The following MEIS3 variants were observed in gnomAD, a reference collection of about 807,000 sequenced individuals.
MEIS3 encodes the protein Meis homeobox 3.
MEIS3 carries 38 observed loss-of-function variants against 51.4 expected under a neutral mutation model. The observed-to-expected ratio is 0.74, with a 90% CI of 0.57 to 0.97. MEIS3 has a LOEUF of 0.97. Ranked by LOEUF, MEIS3 falls within the 50% of genes least tolerant of loss-of-function variation. The pLI, the probability that MEIS3 is intolerant of heterozygous loss-of-function variation, is 0.00. For synonymous variants in MEIS3, 198 were observed against 201.8 expected, an observed-to-expected ratio of 0.98 and a Z score of 0.16; for missense variants, 456 against 502.6, an observed-to-expected ratio of 0.91 and a Z score of 0.89.
At chr19:47,421,402 C>T (rs1568434636), upstream of MEIS3, among the ~76,000 whole-genome samples, 2 of 152,128 alleles carry the variant, frequency 1.3e-5, no homozygotes, top group African/African-American at 4.8e-5. Flanking sequence ...CCACGTCCCC[C>T]GGGGATCCGC....
At position 47,419,263 on chromosome 19, in the gene MEIS3, C is replaced by T. The variant is rs1485858242; in HGVS notation, c.-182G>A. ...CAGGCGCCGGGCCGGGTGGGGACTCCGCGCATGGACCCCGGCCCCCGCCCC... is the reference window on the plus strand; with the variant it reads ...CAGGCGCCGGGCCGGGTGGGGACTCTGCGCATGGACCCCGGCCCCCGCCCC... On this transcript the variant is annotated 5_prime_UTR_variant, in exon 1 of 13. Coordinates refer to ENST00000558555, the MANE Select transcript of MEIS3 (RefSeq NM_001301059.2). 2.6e-5 allele frequency: 8 copies of T among 306,340 alleles called. No individual in the cohort carries two copies. The highest frequency in any genetic ancestry group is 4.7e-5 in the Non-Finnish European group (8 of 170,552). 19.0% of individuals were successfully genotyped at this position (306,340 alleles called of 1,614,324 possible). A position where few individuals can be genotyped will look rare whatever the true frequency, so the allele number is the denominator to read the frequency against.
At chr19:47,411,542 C>CTTT (rs1249273264) in intron 6 of MEIS3, among the ~76,000 whole-genome samples, 2 of 96,010 alleles carry the variant, frequency 2.1e-5, no homozygotes, top group African/African-American at 3.4e-5. Flanking sequence ...TTTTTCTTTT[C>CTTT]TTTTTTTTTT....
intron 6 of MEIS3, among the ~76,000 whole-genome samples, chr19:47,413,200 C>T (rs1229687957): frequency 6.6e-6 from 1 of 151,664 alleles, no homozygotes; most frequent in African/African-American, 2.4e-5. Flanking sequence ...AGTTCGAGGC[C>T]AGCCTGGCCA....
chr19:47,403,642 A>G (rs778458240), intron 12 of MEIS3, 89 bp from the exon 13 acceptor site: 20 of 346,110 alleles, frequency 5.8e-5, no homozygotes, highest in Non-Finnish European at 9.1e-5. Context: ...ATCAGCCCCA[A>G]TGTGAGGGGG....
At chr19:47,417,881 C>T (rs994638800) in intron 1 of MEIS3, 5 of 595,674 alleles carry the variant, frequency 8.4e-6, no homozygotes, top group Non-Finnish European at 1.5e-5. Context: ...CACACCAACC[C>T]ACGTGCACAC....
intron 9 of MEIS3, 51 bp from the exon 10 acceptor site, chr19:47,407,188 G>C: frequency 6.3e-7 from 1 of 1,578,624 alleles, no homozygotes; most frequent in Non-Finnish European, 8.6e-7. Flanking sequence ...GAGTGGGAGA[G>C]AGGCCAAGAC....
chr19:47,421,690 C>T (rs1971718288), upstream of MEIS3, among the ~76,000 whole-genome samples: 1 of 151,604 alleles, frequency 6.6e-6, no homozygotes, highest in Non-Finnish European at 1.5e-5. Flanking sequence ...CCATCTCCGC[C>T]TGGGCTATGT....
At chr19:47,407,645 C>A in intron 8 of MEIS3, 1 of 1,250,572 alleles carries the variant, frequency 8.0e-7, no homozygotes, top group Non-Finnish European at 1.1e-6. Flanking sequence ...CCTGTTCCAG[C>A]AATTAGAGGT....
chr19:47,403,310 A>C lies in MEIS3; in HGVS notation c.*261T>G. 1 of 411,934 alleles carries C rather than the reference A, an allele frequency of 2.4e-6. No individual in the cohort carries two copies. Among genetic ancestry groups the C allele is most frequent in the Non-Finnish European group, 4.8e-6 (1 of 207,886 alleles). The allele number at this position is 411,934 out of a possible 1,614,324, so 25.5% of individuals were successfully genotyped here. The stretch of plus-strand genomic sequence containing the variant: ...CCCTAGCCGCCATCTTCTGGGGACC[A>C]AGGCCCAGGAGCCCAGCTCGGGTCC... On this transcript the variant is annotated 3_prime_UTR_variant, in exon 13 of 13. Coordinates refer to ENST00000558555, the MANE Select transcript of MEIS3 (RefSeq NM_001301059.2).
intron 4 of MEIS3, 49 bp downstream of exon 4, chr19:47,416,603 G>A: frequency 7.0e-7 from 1 of 1,423,102 alleles, no homozygotes; most frequent in Non-Finnish European, 9.4e-7. Flanking sequence ...GGGCGTCAGG[G>A]AAGGAGACCC....
upstream of MEIS3, among the ~76,000 whole-genome samples, chr19:47,421,008 C>T (rs1290639851): frequency 6.8e-6 from 1 of 146,650 alleles, no homozygotes; most frequent in Non-Finnish European, 1.5e-5. Context: ...TCCTGGGACC[C>T]TTCTGTTCCC....
At chr19:47,411,233 G>A (rs1230800882) in intron 6 of MEIS3, among the ~76,000 whole-genome samples, 1 of 152,126 alleles carries the variant, frequency 6.6e-6, no homozygotes, top group African/African-American at 2.4e-5. Flanking sequence ...ACTGCGCCAG[G>A]CCCATTTCAC....
Position 47,417,301 on chromosome 19 carries a change from A to G in MEIS3, c.62T>C (p.Leu21Pro). The G allele has an allele frequency of 6.2e-7, 1 of 1,613,712 alleles. No homozygotes were observed. The highest frequency in any genetic ancestry group is 8.5e-7 in the Non-Finnish European group (1 of 1,179,886). ...YPGIVDGPAA[L>P]ASFPETVPAV... ...GGGCACTGTCTCTGGGAAGCTAGCC[A>G]GGGCTGCGGGGCCATCCACGATGCC... Residue 21 changes from leucine to proline, a missense_variant, in exon 2 of 13, where the codon CTG becomes CCG. Coordinates refer to ENST00000558555, the MANE Select transcript of MEIS3 (RefSeq NM_001301059.2).
chr19:47,420,910 T>TCACA (rs796578167), upstream of MEIS3, among the ~76,000 whole-genome samples: 272 of 70,724 alleles, frequency 3.8e-3, 1 homozygote, highest in East Asian at 0.012. Context: ...TCTCTCTCTC[T>TCACA]CACACACACA....
intron 6 of MEIS3, among the ~76,000 whole-genome samples, chr19:47,411,099 G>A (rs1971111511): frequency 6.6e-6 from 1 of 152,008 alleles, no homozygotes; most frequent in Non-Finnish European, 1.5e-5. Flanking sequence ...ACCACACCTG[G>A]CTAATTTTTG....
intron 1 of MEIS3, 30 bp downstream of exon 1, chr19:47,419,040 G>A: frequency 1.6e-6 from 2 of 1,243,738 alleles, no homozygotes; most frequent in Non-Finnish European, 2.0e-6. Context: ...GGAAGCGGCC[G>A]GGACGCGGGG....
chr19:47,421,820 TTCTC>T (rs1273375622), upstream of MEIS3, among the ~76,000 whole-genome samples: 1 of 151,386 alleles, frequency 6.6e-6, no homozygotes, highest in Non-Finnish European at 1.5e-5. Flanking sequence ...TTATCTCTCT[TTCTC>T]TCCATCTTTC....
chr19:47,416,525 T>G, intron 4 of MEIS3, 127 bp downstream of exon 4: 3 of 770,640 alleles, frequency 3.9e-6, no homozygotes, highest in Non-Finnish European at 4.1e-6. Context: ...TGGGCAACAA[T>G]CATGACGGTT....
intron 1 of MEIS3, chr19:47,417,749 C>A (rs575705193): frequency 6.0e-6 from 4 of 666,554 alleles, no homozygotes; most frequent in South Asian, 1.6e-5. Flanking sequence ...AGTACACATA[C>A]GAAGCCTCCC....
Sources: allele counts gnomAD v4.1 joint callset (sites outside exome capture counted in the v4.1 genomes callset), GRCh38; gene constraint gnomAD v4.1.1; transcripts MANE v1.5; gene names NCBI Gene and HGNC (gene_info 2026-07-23, HGNC 2026-07-21).